Variants in LARGE1 observed in about 807,000 individuals in gnomAD.
The protein encoded by LARGE1 is LARGE xylosyl- and glucuronyltransferase 1, also known as xylosyl- and glucuronyltransferase LARGE1.
In LARGE1, 43 loss-of-function variants were observed where a neutral mutation model predicts 87.6. The observed-to-expected ratio is 0.49, with a 90% CI of 0.38 to 0.63. The LOEUF (loss-of-function observed/expected upper bound fraction) is 0.63. Ranked by LOEUF, LARGE1 falls within the 30% of genes least tolerant of loss-of-function variation. The pLI, the probability that LARGE1 is intolerant of heterozygous loss-of-function variation, is 0.00. For missense variants in LARGE1, 802 were observed against 1,000.2 expected (o/e 0.80, Z 2.67); for synonymous variants, 434 against 394.6 (o/e 1.10, Z -1.18).
At chr22:33,265,023 C>T (rs944817650) in intron 11 of LARGE1, among the ~76,000 whole-genome samples, 1 of 150,558 alleles carries the variant, frequency 6.6e-6, no homozygotes, top group Admixed American at 6.7e-5. Context: ...GCTTCAGCCT[C>T]CTGAGTAGCT....
intron 2 of LARGE1, among the ~76,000 whole-genome samples, chr22:33,729,520 G>T (rs1436218792): frequency 1.3e-5 from 2 of 152,216 alleles, no homozygotes; most frequent in Admixed American, 6.5e-5. Flanking sequence ...AATATGATCA[G>T]TTAGGGTATA....
intron 2 of LARGE1, among the ~76,000 whole-genome samples, chr22:33,718,699 G>A (rs1208657194): frequency 2.0e-5 from 3 of 152,252 alleles, no homozygotes; most frequent in Admixed American, 2.0e-4. Context: ...GAAATAAGTG[G>A]AGGTGGAAGA....
chr22:33,080,261 C>A, the LARGE1 span, among the ~76,000 whole-genome samples: 2 of 152,298 alleles, frequency 1.3e-5, no homozygotes, highest in East Asian at 3.9e-4. Flanking sequence ...TTAATTCTTA[C>A]AAGAGCTCAG....
chr22:33,361,359 A>G (rs2064381038), intron 9 of LARGE1, among the ~76,000 whole-genome samples: 1 of 149,742 alleles, frequency 6.7e-6, no homozygotes, highest in African/African-American at 2.5e-5. Flanking sequence ...TTCCTCTGAA[A>G]TGTACTTCCT....
At chr22:33,219,658 C>T (rs1568978348) in intron 11 of LARGE1, among the ~76,000 whole-genome samples, 1 of 152,164 alleles carries the variant, frequency 6.6e-6, no homozygotes, top group Non-Finnish European at 1.5e-5. Context: ...GTGCTGATTC[C>T]TTAAATCCTA....
intron 1 of LARGE1, among the ~76,000 whole-genome samples, chr22:33,774,322 T>TA (rs899233801): frequency 7.9e-5 from 12 of 151,078 alleles, no homozygotes; most frequent in Non-Finnish European, 1.2e-4. Context: ...AAAAAAGGGT[T>TA]AAAAAAAATA....
chr22:33,604,521 T>G lies in LARGE1; in HGVS notation c.529A>C (p.Ile177Leu). Residue 177 changes from isoleucine (I) to leucine (L), a missense_variant, in exon 5 of 15, where the codon ATT (isoleucine) becomes CTT (leucine). Around this residue, in one of 2 missense-constraint regions of LARGE1, gnomAD observed 625 missense variants for 841.9 expected, o/e 0.74. Transcript: ENST00000397394. ...AGCGTGGCCAGGATCTGCTCCGCAA[T>G]GGAGTCAGCAATAAGGTGGAAGTGC... is the stretch of plus-strand genomic sequence containing the variant. ...PLHFHLIADSIAEQILATLFQ... is the reference protein window; with the variant it reads ...PLHFHLIADSLAEQILATLFQ... 6.2e-7 allele frequency: 1 copy of G among 1,613,966 alleles called. No homozygotes were observed. The highest frequency in any genetic ancestry group is 2.2e-5 in the East Asian group (1 of 44,854).
chr22:33,173,184 A>C (rs1922673070), intron 11 of LARGE1, among the ~76,000 whole-genome samples: 1 of 152,206 alleles, frequency 6.6e-6, no homozygotes, highest in African/African-American at 2.4e-5. Flanking sequence ...TACAAGCCAG[A>C]AGAGAGTGAG....
intron 11 of LARGE1, among the ~76,000 whole-genome samples, chr22:33,259,303 G>A (rs903433917): frequency 3.3e-5 from 5 of 150,746 alleles, no homozygotes; most frequent in African/African-American, 9.8e-5. Flanking sequence ...TACTATCCAC[G>A]AGAAATCCAA....
chr22:33,501,945 C>A (rs1292147995), intron 6 of LARGE1, among the ~76,000 whole-genome samples: 1 of 152,130 alleles, frequency 6.6e-6, no homozygotes, highest in Non-Finnish European at 1.5e-5. Flanking sequence ...GTAATCCCAG[C>A]ACTTTGGGAG....
chr22:33,760,936 A>C (rs1382440773), intron 2 of LARGE1, among the ~76,000 whole-genome samples: 1 of 152,074 alleles, frequency 6.6e-6, no homozygotes, highest in African/African-American at 2.4e-5. Context: ...CCAAACCAAA[A>C]CAAAACAAAA....
chr22:33,749,640 G>T (rs553594074), intron 2 of LARGE1, among the ~76,000 whole-genome samples: 2 of 152,298 alleles, frequency 1.3e-5, no homozygotes, highest in African/African-American at 4.8e-5. Flanking sequence ...GACTCCTGAT[G>T]TCCGTTCCTT....
At chr22:33,685,924 G>A (rs2081930135) in intron 2 of LARGE1, among the ~76,000 whole-genome samples, 1 of 152,200 alleles carries the variant, frequency 6.6e-6, no homozygotes. Flanking sequence ...CACCTGTTGT[G>A]AGGCTCAACC....
chr22:33,758,406 T>C (rs1287164824), intron 2 of LARGE1, among the ~76,000 whole-genome samples: 1 of 152,194 alleles, frequency 6.6e-6, no homozygotes, highest in African/African-American at 2.4e-5. Context: ...GCACACTAAC[T>C]GACACTCAGT....
rs1053340584 is a variant in LARGE1, at chr22:33,675,293, A to C, written c.107-24625T>G. On this transcript the variant is annotated intron_variant, in intron 2 of 14. Coordinates refer to ENST00000397394, the MANE Select transcript of LARGE1 (RefSeq NM_133642.5). The stretch of plus-strand genomic sequence containing the variant: ...TGGGCAACAAGAGCGAAACTCCATC[A>C]AAAAAAAAAAAAAAAAAAAAAAAAA... Among the ~76,000 whole-genome samples the C allele has an allele frequency of 1.6e-4, 4 of 24,922 alleles. No individual in the cohort carries two copies. In the South Asian group the frequency reaches 3.5e-3, roughly 22 times the overall value. The allele number at this position is 24,922 out of a possible 152,430, so 16.3% of individuals were successfully genotyped here. A position where few individuals can be genotyped will look rare whatever the true frequency, so the allele number is the denominator to read the frequency against.
At chr22:33,740,105 A>G (rs1455666654) in intron 2 of LARGE1, among the ~76,000 whole-genome samples, 3 of 152,148 alleles carry the variant, frequency 2.0e-5, no homozygotes, top group Non-Finnish European at 4.4e-5. Flanking sequence ...ATCTCAGCAC[A>G]CAGACCTTGA....
chr22:33,477,273 C>T (rs373510495), intron 6 of LARGE1, among the ~76,000 whole-genome samples: 4 of 152,146 alleles, frequency 2.6e-5, no homozygotes, highest in East Asian at 3.9e-4. Flanking sequence ...GCCAGGCCAA[C>T]GGGTCCCTTC....
intron 2 of LARGE1, among the ~76,000 whole-genome samples, chr22:33,682,734 T>C (rs1020875794): frequency 6.6e-6 from 1 of 152,226 alleles, no homozygotes; most frequent in Non-Finnish European, 1.5e-5. Context: ...GAGTAAAAAC[T>C]TGGTACAAAT....
rs111750251 is a variant in LARGE1 at position 33,810,979 on chromosome 22, C to T, written c.-82-49421G>A. On this transcript the variant is annotated intron_variant, in intron 1 of 14. Coordinates refer to ENST00000397394, the MANE Select transcript of LARGE1 (RefSeq NM_133642.5). ...CCTTGTGATCTACCCGCCTCGGCTT[C>T]CCAAAGTGATTTTTTTGTTCTATGC... 5.0e-3 allele frequency among the ~76,000 whole-genome samples: 754 copies of T among 152,264 alleles called. 6 individuals are homozygous for T. Among genetic ancestry groups the T allele is most frequent in the African/African-American group, 0.017 (697 of 41,550 alleles).
Sources: allele counts gnomAD v4.1 joint callset (sites outside exome capture counted in the v4.1 genomes callset), GRCh38; gene constraint gnomAD v4.1.1; regional missense constraint gnomAD v4.1.1; transcripts MANE v1.5; gene names NCBI Gene and HGNC (gene_info 2026-07-23, HGNC 2026-07-21).